Variants in RBMS3 observed in about 807,000 individuals in gnomAD.
RBMS3 encodes the protein RNA binding motif single stranded interacting protein 3.
In RBMS3, 27 loss-of-function variants were observed where a neutral mutation model predicts 66.8. The observed-to-expected ratio is 0.40, with a 90% CI of 0.30 to 0.56. The LOEUF (loss-of-function observed/expected upper bound fraction) is 0.56, where lower values mean the gene tolerates loss of function less well. RBMS3 is among the 20% of genes least tolerant of loss of function. The pLI is 0.40. For synonymous variants in RBMS3, 188 were observed against 183.0 expected (o/e 1.03, Z -0.22); for missense variants, 513 against 549.5 (o/e 0.93, Z 0.66).
At chr3:29,931,993 A>T (rs2061141648) in intron 10 of RBMS3, among the ~76,000 whole-genome samples, 1 of 152,194 alleles carries the variant, frequency 6.6e-6, no homozygotes, top group Non-Finnish European at 1.5e-5. Flanking sequence ...GACAGCAGAA[A>T]AAAAGGGATG....
At chr3:29,401,441 G>T (rs946538534) in intron 1 of RBMS3, among the ~76,000 whole-genome samples, 1 of 152,026 alleles carries the variant, frequency 6.6e-6, no homozygotes, top group African/African-American at 2.4e-5. Flanking sequence ...TCAGAAGGAT[G>T]AAGAGTTTTA....
At chr3:29,540,595 G>T (rs1433405318) in intron 3 of RBMS3, among the ~76,000 whole-genome samples, 1 of 152,134 alleles carries the variant, frequency 6.6e-6, no homozygotes, top group Admixed American at 6.5e-5. Context: ...TTACTATATT[G>T]ATATAGTAAC....
intron 4 of RBMS3, among the ~76,000 whole-genome samples, chr3:29,719,821 T>C (rs541903202): frequency 6.6e-6 from 1 of 152,330 alleles, no homozygotes; most frequent in South Asian, 2.1e-4. Context: ...CTTTTCTTTA[T>C]AACTATCTTC....
chr3:29,388,108 CACAT>C (rs757442314), intron 1 of RBMS3, among the ~76,000 whole-genome samples: 52 of 135,324 alleles, frequency 3.8e-4, no homozygotes, highest in African/African-American at 9.9e-4. Flanking sequence ...CACACACACA[CACAT>C]GTGTGTGTAT....
At chr3:29,300,642 T>C (rs72849582) in intron 1 of RBMS3, among the ~76,000 whole-genome samples, 4,148 of 152,068 alleles carry the variant, frequency 0.027, 210 homozygotes, top group African/African-American at 0.095. Context: ...ATAAAAAATA[T>C]AGGAAAAGTT....
chr3:29,756,202 T>G (rs1387330784), intron 5 of RBMS3, among the ~76,000 whole-genome samples: 9 of 152,146 alleles, frequency 5.9e-5, no homozygotes, highest in African/African-American at 2.2e-4. Context: ...TCTAATTCTC[T>G]GACATCAATT....
intron 1 of RBMS3, among the ~76,000 whole-genome samples, chr3:29,355,279 G>GTC (rs149847962): frequency 0.056 from 8,537 of 152,048 alleles, 253 homozygotes; most frequent in Middle Eastern, 0.071. Flanking sequence ...GTAAAAGTTT[G>GTC]TCTCTATAAG....
intron 4 of RBMS3, among the ~76,000 whole-genome samples, chr3:29,690,243 A>G (rs1400487154): frequency 4.6e-5 from 7 of 152,072 alleles, no homozygotes; most frequent in Admixed American, 3.9e-4. Context: ...TGAGCCCAGG[A>G]GTTTAAGACC....
At chr3:29,998,432 A>G (rs947704722) in intron 14 of RBMS3, among the ~76,000 whole-genome samples, 5 of 152,166 alleles carry the variant, frequency 3.3e-5, no homozygotes, top group African/African-American at 1.2e-4. Flanking sequence ...GTTCATATGG[A>G]ACCAAAAAAG....
intron 5 of RBMS3, among the ~76,000 whole-genome samples, chr3:29,760,252 A>AACACACACACAC (rs139553062): frequency 6.7e-6 from 1 of 148,328 alleles, no homozygotes; most frequent in African/African-American, 2.5e-5. Flanking sequence ...ATGTAGAATA[A>AACACACACACAC]ACACACACAC....
chr3:29,944,996 G>A (rs1695202677), intron 12 of RBMS3, among the ~76,000 whole-genome samples: 1 of 151,626 alleles, frequency 6.6e-6, no homozygotes, highest in South Asian at 2.1e-4. Context: ...ATCTTCTTGT[G>A]CTTTCATTTT....
chr3:29,674,737 C>CAA (rs149403305), intron 4 of RBMS3, among the ~76,000 whole-genome samples: 104 of 100,876 alleles, frequency 1.0e-3, no homozygotes, highest in African/African-American at 3.1e-3. Flanking sequence ...ACCACTGCTC[C>CAA]AAAAAAAAAA....
At position 29,281,117 on chromosome 3, in the gene RBMS3, T is replaced by TG. The variant is rs2031719852; in HGVS notation, c.-565_-564insG. ...AGCAGCAACTAAGCTGTACAAGGTT[T>TG]TTTTTTTTTTTTTTTCTTCCTTTTT... On this transcript the variant is annotated 5_prime_UTR_variant, in exon 1 of 15. Coordinates refer to ENST00000383767, the MANE Select transcript of RBMS3 (RefSeq NM_001003793.3). The TG allele has an allele frequency of 1.4e-5, 2 of 145,076 alleles. No individual in the cohort carries two copies. The highest frequency in any genetic ancestry group is 2.1e-4 in the East Asian group (1 of 4,820). The allele number at this position is 145,076 out of a possible 1,614,324, so 9.0% of individuals were successfully genotyped here. A position where few individuals can be genotyped will look rare whatever the true frequency, so the allele number is the denominator to read the frequency against.
At chr3:29,545,559 C>T (rs1338394023) in intron 3 of RBMS3, among the ~76,000 whole-genome samples, 6 of 152,120 alleles carry the variant, frequency 3.9e-5, no homozygotes, top group Non-Finnish European at 8.8e-5. Context: ...AAGAAACAGG[C>T]ATTTCAGCGC....
intron 12 of RBMS3, among the ~76,000 whole-genome samples, chr3:29,984,080 C>T (rs1031942488): frequency 4.6e-5 from 7 of 152,132 alleles, no homozygotes; most frequent in Non-Finnish European, 1.0e-4. Flanking sequence ...TTCACATACT[C>T]CCATATTTCT....
chr3:29,461,213 C>T (rs1479606864), intron 2 of RBMS3, among the ~76,000 whole-genome samples: 3 of 152,320 alleles, frequency 2.0e-5, no homozygotes, highest in East Asian at 3.9e-4. Flanking sequence ...CTTTTGGGAA[C>T]ACCTTCAGTG....
intron 4 of RBMS3, among the ~76,000 whole-genome samples, chr3:29,724,402 A>G (rs992121485): frequency 6.6e-6 from 1 of 152,290 alleles, no homozygotes; most frequent in Admixed American, 6.5e-5. Flanking sequence ...CTAAATTTTT[A>G]GTATATCATA....
At chr3:29,572,590 A>T (rs898116594) in intron 3 of RBMS3, among the ~76,000 whole-genome samples, 1 of 152,182 alleles carries the variant, frequency 6.6e-6, no homozygotes, top group Non-Finnish European at 1.5e-5. Context: ...TGAATATTGA[A>T]TCATTCTTGC....
chr3:29,939,479 G>T (rs1044591796), intron 11 of RBMS3, among the ~76,000 whole-genome samples: 2 of 151,934 alleles, frequency 1.3e-5, no homozygotes, highest in Non-Finnish European at 2.9e-5. Flanking sequence ...CAGCTGTTGT[G>T]ATGGCTATTG....
Sources: allele counts gnomAD v4.1 joint callset (sites outside exome capture counted in the v4.1 genomes callset), GRCh38; gene constraint gnomAD v4.1.1; transcripts MANE v1.5; gene names NCBI Gene and HGNC (gene_info 2026-07-23, HGNC 2026-07-21).